DNAH3: variants seen among roughly 807,000 people sequenced by gnomAD.
DNAH3 encodes axonemal beta dynein heavy chain 3.
Under a neutral mutation model 432.5 loss-of-function variants are expected in DNAH3, and 332 were observed. The observed-to-expected ratio is 0.77, with a 90% confidence interval of 0.70 to 0.84. The LOEUF is 0.84. Ranked by LOEUF, DNAH3 falls within the 40% of genes least tolerant of loss-of-function variation. The pLI, the probability that DNAH3 is intolerant of heterozygous loss-of-function variation, is 0.00. For missense variants in DNAH3, 4,861 were observed against 5,114.0 expected (o/e 0.95, Z 1.51); for synonymous variants, 1,956 against 1,900.2 (o/e 1.03, Z -0.76).
At chr16:20,949,936 T>G (rs2084238206) in intron 56 of DNAH3, among the ~76,000 whole-genome samples, 1 of 152,174 alleles carries the variant, frequency 6.6e-6, no homozygotes, top group South Asian at 2.1e-4. Flanking sequence ...CATGCACTCA[T>G]GCTATGGTCT....
At chr16:21,092,288 A>G (rs1356897586) in intron 18 of DNAH3, among the ~76,000 whole-genome samples, 5 of 152,220 alleles carry the variant, frequency 3.3e-5, no homozygotes, top group East Asian at 1.9e-4. Flanking sequence ...GGAACAGAAT[A>G]CATAACCCAT....
At chr16:20,981,976 C>T (rs1473175202) in intron 49 of DNAH3, among the ~76,000 whole-genome samples, 3 of 144,442 alleles carry the variant, frequency 2.1e-5, no homozygotes, top group Non-Finnish European at 4.5e-5. Flanking sequence ...TATAATAAAG[C>T]ATATATATAA....
intron 27 of DNAH3, among the ~76,000 whole-genome samples, chr16:21,054,739 G>A (rs1567709922): frequency 1.3e-5 from 2 of 152,176 alleles, no homozygotes; most frequent in African/African-American, 2.4e-5. Context: ...GATTTGGAAG[G>A]TTTCATACTG....
At chr16:21,099,651 C>T (rs952446544) in intron 16 of DNAH3, among the ~76,000 whole-genome samples, 3 of 151,880 alleles carry the variant, frequency 2.0e-5, no homozygotes, top group Admixed American at 1.3e-4. Flanking sequence ...CTCTGTGCCT[C>T]GGGTAGATAA....
rs770533975 is a variant in DNAH3 at position 21,031,296 on chromosome 16, A to G, written c.5198-10T>C. On this transcript the variant is annotated splice_polypyrimidine_tract_variant and intron_variant, in intron 36 of 61. Transcript: ENST00000261383. Reference sequence around the variant, plus strand: ...TCCTCCATCTGATTGGCTGGGCAAGAAGGTTCAACACCAGTTATAAAGGCT... The same window carrying G: ...TCCTCCATCTGATTGGCTGGGCAAGGAGGTTCAACACCAGTTATAAAGGCT... 10 of 1,614,014 alleles carry G rather than the reference A, an allele frequency of 6.2e-6. No homozygotes were observed. The Admixed American group carries it at 1.0e-4, about 16-fold the overall frequency.
chr16:21,102,470 T>C (rs904555964), intron 16 of DNAH3, among the ~76,000 whole-genome samples: 10 of 152,162 alleles, frequency 6.6e-5, no homozygotes, highest in Admixed American at 1.3e-4. Context: ...AAGCTGATAG[T>C]TTTGGGATTC....
chr16:20,961,311 C>T (rs1163710405), intron 53 of DNAH3, among the ~76,000 whole-genome samples: 1 of 151,928 alleles, frequency 6.6e-6, no homozygotes, highest in Admixed American at 6.6e-5. Flanking sequence ...CACTTGGACA[C>T]AGGAAGGGGA....
intron 48 of DNAH3, among the ~76,000 whole-genome samples, chr16:20,984,833 C>T (rs1236256779): frequency 1.3e-5 from 2 of 151,866 alleles, no homozygotes; most frequent in African/African-American, 4.8e-5. Flanking sequence ...CCACTGCACT[C>T]CAGCCTGGGC....
intron 40 of DNAH3, among the ~76,000 whole-genome samples, chr16:21,020,397 A>ATATATATATTTTTTTTTTTT (rs1555530020): frequency 2.9e-5 from 1 of 34,594 alleles, no homozygotes; most frequent in Admixed American, 6.4e-4. Context: ...ATATATATAT[A>ATATATATATTTTTTTTTTTT]TTTTTTTTTT....
At chr16:21,017,320 C>T (rs2087910257) in intron 41 of DNAH3, among the ~76,000 whole-genome samples, 1 of 152,138 alleles carries the variant, frequency 6.6e-6, no homozygotes, top group South Asian at 2.1e-4. Context: ...CCAAAATCAT[C>T]AAGCTAAAAG....
chr16:21,129,620 C>T (rs2092515865), intron 7 of DNAH3, among the ~76,000 whole-genome samples: 1 of 151,294 alleles, frequency 6.6e-6, no homozygotes. Context: ...GTCTGTAATC[C>T]CAGCTACTCA....
At chr16:21,096,838 G>T (rs528650824) in intron 18 of DNAH3, among the ~76,000 whole-genome samples, 1 of 152,204 alleles carries the variant, frequency 6.6e-6, no homozygotes, top group South Asian at 2.1e-4. Context: ...TTTTCCCAAA[G>T]GTCAGCTAGT....
chr16:20,975,610 T>C (rs2085552326), intron 50 of DNAH3, among the ~76,000 whole-genome samples, 195 bp from the exon 51 acceptor site: 1 of 152,262 alleles, frequency 6.6e-6, no homozygotes. Flanking sequence ...GTTTACACTC[T>C]GCATTGTGGT....
chr16:20,988,936 C>T (rs116367579), intron 44 of DNAH3, among the ~76,000 whole-genome samples: 5 of 152,020 alleles, frequency 3.3e-5, no homozygotes, highest in Non-Finnish European at 7.4e-5. Flanking sequence ...TGGAGTTATT[C>T]GTTCCTCCCG....
chr16:21,083,997 TTACTGCCCCC>T (rs1367068821), intron 19 of DNAH3, among the ~76,000 whole-genome samples: 1 of 152,152 alleles, frequency 6.6e-6, no homozygotes, highest in Non-Finnish European at 1.5e-5. Context: ...TCACTGTGGT[TTACTGCCCCC>T]TACTGCCCGC....
chr16:21,059,143 T>C (rs958508881), intron 26 of DNAH3, among the ~76,000 whole-genome samples: 2 of 152,246 alleles, frequency 1.3e-5, no homozygotes, highest in African/African-American at 2.4e-5. Context: ...CATTATGTTG[T>C]ATACCTTAAA....
In DNAH3 at chr16:21,040,656, C is replaced by T. The variant is rs995396562; in HGVS notation, c.4639-713G>A. On this transcript the variant is annotated intron_variant, in intron 32 of 61. Transcript: ENST00000261383. ...GTTCAGATTAAGGCGTGAGCTACCG[C>T]GCCCAGCCAGACAGATCTTGATTTG... 3.3e-5 allele frequency among the ~76,000 whole-genome samples: 5 copies of T among 152,020 alleles called. No individual in the cohort carries two copies. In the South Asian group the frequency reaches 6.2e-4, roughly 19 times the overall value.
At chr16:21,120,842 G>A in exon 11 of DNAH3, 1 of 1,613,700 alleles carries the variant, frequency 6.2e-7, no homozygotes, top group Non-Finnish European at 8.5e-7. Flanking sequence ...AACTTAAGTG[G>A]TATGTATTTC....
At chr16:21,063,542 TTTTTA>T (rs1400228208) in intron 24 of DNAH3, among the ~76,000 whole-genome samples, 2 of 150,810 alleles carry the variant, frequency 1.3e-5, no homozygotes, top group Admixed American at 6.6e-5. Flanking sequence ...TTTATTTTTA[TTTTTA>T]TTTTATTTTA....
Sources: allele counts gnomAD v4.1 joint callset (sites outside exome capture counted in the v4.1 genomes callset), GRCh38; gene constraint gnomAD v4.1.1; transcripts MANE v1.5; gene names NCBI Gene and HGNC (gene_info 2026-07-23, HGNC 2026-07-21).